Variants in PRH1 observed in about 807,000 individuals in gnomAD.
PRH1 encodes the protein proline rich protein HaeIII subfamily 1.
In PRH1, 7 loss-of-function variants were observed where a neutral mutation model predicts 7.9. The ratio of observed to expected loss-of-function variants is 0.89; its 90% confidence interval spans 0.50 to 1.67. The LOEUF (loss-of-function observed/expected upper bound fraction) is 1.67. PRH1 is among the 40% of genes most tolerant of loss of function. PRH1 has a pLI of 0.00. For missense variants in PRH1, 109 were observed against 223.6 expected (o/e 0.49, Z 3.27); for synonymous variants, 45 against 80.8 (o/e 0.56, Z 2.38).
chr12:10,930,918 T>C (rs1405835918), intron 2 of PRH1: 7 of 1,605,670 alleles, frequency 4.4e-6, no homozygotes, highest in Non-Finnish European at 5.9e-6. Context: ...GCCATCCCCG[T>C]CCTCCTCGAG....
At chr12:11,155,046 C>A (rs1293988678) in intron 1 of PRH1, among the ~76,000 whole-genome samples, 1 of 152,142 alleles carries the variant, frequency 6.6e-6, no homozygotes, top group African/African-American at 2.4e-5. Context: ...ATAGAAAAAT[C>A]CTTCATACAT....
chr12:11,103,615 C>A (rs1292267296), intron 1 of PRH1, among the ~76,000 whole-genome samples: 1 of 151,874 alleles, frequency 6.6e-6, no homozygotes, highest in Non-Finnish European at 1.5e-5. Context: ...GTGCAGCACA[C>A]CAACAAGCAC....
intron 1 of PRH1, among the ~76,000 whole-genome samples, chr12:10,992,163 C>A (rs1347377460): frequency 6.6e-6 from 1 of 152,130 alleles, no homozygotes; most frequent in East Asian, 1.9e-4. Context: ...AGCTTACATG[C>A]CCTCGGTAAA....
chr12:10,915,411 A>C (rs947695908), intron 2 of PRH1, among the ~76,000 whole-genome samples: 20 of 152,238 alleles, frequency 1.3e-4, no homozygotes, highest in Admixed American at 2.0e-4. Flanking sequence ...CAAATATAAG[A>C]AGCAGCAGAC....
intron 2 of PRH1, among the ~76,000 whole-genome samples, chr12:10,957,262 C>G (rs1202141818): frequency 9.2e-5 from 14 of 151,750 alleles, no homozygotes; most frequent in Admixed American, 9.2e-4. Context: ...ATAATGCCAC[C>G]CACCTACAAC....
At chr12:11,068,072 T>G (rs1345769522) in intron 1 of PRH1, among the ~76,000 whole-genome samples, 2 of 151,516 alleles carry the variant, frequency 1.3e-5, no homozygotes, top group Non-Finnish European at 2.9e-5. Context: ...TGGAGCATAA[T>G]AAAACCTAAT....
At chr12:11,142,347 C>T (rs1946724562) in intron 1 of PRH1, among the ~76,000 whole-genome samples, 1 of 152,022 alleles carries the variant, frequency 6.6e-6, no homozygotes. Context: ...GAAAACCACT[C>T]CTAAAATATA....
chr12:11,146,411 G>C (rs1946862675), intron 1 of PRH1, among the ~76,000 whole-genome samples: 2 of 152,034 alleles, frequency 1.3e-5, no homozygotes. Context: ...ACAACAATGA[G>C]AATGTCATCT....
At chr12:10,985,985 CA>C in intron 1 of PRH1, 1 of 1,612,152 alleles carries the variant, frequency 6.2e-7, no homozygotes, top group Non-Finnish European at 8.5e-7. Context: ...GACACAAAAT[CA>C]AAAGAAAGGT....
chr12:11,167,090 T>C (rs1180565301), intron 1 of PRH1, among the ~76,000 whole-genome samples: 2 of 152,234 alleles, frequency 1.3e-5, no homozygotes, highest in East Asian at 1.9e-4. Context: ...CCATGCCATA[T>C]AATGTAACAT....
intron 1 of PRH1, among the ~76,000 whole-genome samples, chr12:11,088,255 C>T (rs3983348): frequency 1.6e-5 from 2 of 121,644 alleles, no homozygotes; most frequent in East Asian, 2.0e-4. Flanking sequence ...GTGGGGGAAT[C>T]ACTTGAGCCC....
At chr12:10,904,063 G>GGAAGAAT (rs1565460900) in intron 2 of PRH1, among the ~76,000 whole-genome samples, 3 of 151,502 alleles carry the variant, frequency 2.0e-5, no homozygotes, top group African/African-American at 7.2e-5. Context: ...CTCATGGATA[G>GGAAGAAT]GAAGAATGAA....
At chr12:11,155,305 T>C (rs569290541) in intron 1 of PRH1, among the ~76,000 whole-genome samples, 1 of 152,290 alleles carries the variant, frequency 6.6e-6, no homozygotes, top group East Asian at 1.9e-4. Flanking sequence ...TGGAAAACTT[T>C]CCAGTATAAT....
At chr12:11,109,453 T>A (rs975048926) in intron 1 of PRH1, among the ~76,000 whole-genome samples, 11 of 152,126 alleles carry the variant, frequency 7.2e-5, no homozygotes. Flanking sequence ...CCCTCTGGGA[T>A]GAAGCTTCCA....
At chr12:11,003,440 C>T (rs1467426087) in intron 1 of PRH1, among the ~76,000 whole-genome samples, 1 of 152,002 alleles carries the variant, frequency 6.6e-6, no homozygotes, top group East Asian at 1.9e-4. Flanking sequence ...AAGACATTCC[C>T]CATATATGCT....
chr12:11,007,779 A>G (rs2136034364), intron 1 of PRH1, among the ~76,000 whole-genome samples: 1 of 152,184 alleles, frequency 6.6e-6, no homozygotes, highest in African/African-American at 2.4e-5. Flanking sequence ...CAGAAGCAGA[A>G]TGAGAATGAG....
chr12:11,165,070 TAA>T (rs1483389842), intron 1 of PRH1, among the ~76,000 whole-genome samples: 1 of 152,234 alleles, frequency 6.6e-6, no homozygotes, highest in Non-Finnish European at 1.5e-5. Context: ...TTGTTGCATG[TAA>T]AAGTGATTTA....
At chr12:11,036,153 G>A (rs202175745) in intron 1 of PRH1, among the ~76,000 whole-genome samples, 2 of 152,120 alleles carry the variant, frequency 1.3e-5, no homozygotes, top group Non-Finnish European at 2.9e-5. Flanking sequence ...TCGGCCTCCC[G>A]AAGTGCTGGG....
intron 1 of PRH1, chr12:11,030,292 T>A: frequency 7.3e-6 from 11 of 1,508,922 alleles, no homozygotes; most frequent in Non-Finnish European, 8.8e-6. Flanking sequence ...TAGGTATACG[T>A]TGGGAAATTA....
Sources: allele counts gnomAD v4.1 joint callset (sites outside exome capture counted in the v4.1 genomes callset), GRCh38; gene constraint gnomAD v4.1.1; transcripts MANE v1.5; gene names NCBI Gene and HGNC (gene_info 2026-07-23, HGNC 2026-07-21).